Variants in NCK1 observed in about 807,000 individuals in gnomAD.
The protein encoded by NCK1 is SH2/SH3 adapter protein NCK1.
NCK1 carries 19 observed loss-of-function variants against 36.6 expected under a neutral mutation model. The ratio of observed to expected loss-of-function variants is 0.52; its 90% CI spans 0.36 to 0.76. The LOEUF is 0.76. Among genes scored for constraint, NCK1 ranks in the 30% least tolerant of loss-of-function variants. The pLI, the probability that NCK1 is intolerant of heterozygous loss-of-function variation, is 0.00. For missense variants in NCK1, 358 were observed against 445.6 expected, an observed-to-expected ratio of 0.80 and a Z score of 1.77; for synonymous variants, 165 against 156.0, an observed-to-expected ratio of 1.06 and a Z score of -0.43.
chr3:136,881,980 A>G (rs923303771), intron 1 of NCK1, among the ~76,000 whole-genome samples: 3 of 152,330 alleles, frequency 2.0e-5, no homozygotes, highest in African/African-American at 4.8e-5. Context: ...TAGTGTTTCC[A>G]TGAACATGGG....
intron 2 of NCK1, among the ~76,000 whole-genome samples, chr3:136,936,288 G>A (rs1226268233): frequency 1.3e-5 from 2 of 152,026 alleles, no homozygotes; most frequent in Non-Finnish European, 2.9e-5. Context: ...TCATCTGCCC[G>A]CCTCGGCCTC....
intron 1 of NCK1, among the ~76,000 whole-genome samples, chr3:136,909,800 A>G (rs959878439): frequency 2.0e-5 from 3 of 152,132 alleles, no homozygotes; most frequent in African/African-American, 7.2e-5. Flanking sequence ...TCTTCTTGCT[A>G]TATTAAACTT....
intron 2 of NCK1, 151 bp from the exon 3 acceptor site, chr3:136,945,432 G>C: frequency 1.9e-6 from 1 of 529,614 alleles, no homozygotes; most frequent in Non-Finnish European, 3.1e-6. Flanking sequence ...TTTCCAAAAA[G>C]ATGATTTTTA....
intron 1 of NCK1, chr3:136,899,895 A>G: frequency 9.6e-7 from 1 of 1,044,572 alleles, no homozygotes; most frequent in Non-Finnish European, 1.5e-6. Context: ...TTTCTCTTCT[A>G]GTGGGATTTC....
At chr3:136,867,010 G>T (rs1239906797) in intron 1 of NCK1, among the ~76,000 whole-genome samples, 1 of 151,818 alleles carries the variant, frequency 6.6e-6, no homozygotes, top group Non-Finnish European at 1.5e-5. Flanking sequence ...CTTTGGTGCA[G>T]TCTTCCAAAT....
intron 2 of NCK1, among the ~76,000 whole-genome samples, chr3:136,938,521 A>G (rs6439676): frequency 1 from 152,142 of 152,308 alleles, 75,988 homozygotes; most frequent in Middle Eastern, 1. Context: ...TCTATTTAGT[A>G]CCACATTTTT....
At chr3:136,904,945 C>A (rs1212332472) in intron 1 of NCK1, among the ~76,000 whole-genome samples, 7 of 150,616 alleles carry the variant, frequency 4.6e-5, no homozygotes, top group African/African-American at 1.7e-4. Context: ...TTGACACTTT[C>A]CAACGTAGTT....
chr3:136,900,596 A>G (rs1939516322), intron 1 of NCK1, among the ~76,000 whole-genome samples: 1 of 151,892 alleles, frequency 6.6e-6, no homozygotes, highest in Non-Finnish European at 1.5e-5. Context: ...TCTTTATTTT[A>G]TCTAGTGTTT....
chr3:136,915,362 A>T (rs1213617455), intron 1 of NCK1, among the ~76,000 whole-genome samples: 2 of 152,214 alleles, frequency 1.3e-5, no homozygotes, highest in African/African-American at 2.4e-5. Flanking sequence ...CTTGAATTAT[A>T]GGTCACAGAA....
chr3:136,898,380 C>T (rs1169751448), intron 1 of NCK1, among the ~76,000 whole-genome samples: 3 of 141,612 alleles, frequency 2.1e-5, no homozygotes, highest in South Asian at 2.4e-4. Flanking sequence ...GGCAAGACTC[C>T]CTCTCAAAAA....
Position 136,945,742 on chromosome 3 carries a change from A to G in NCK1, c.386A>G (p.Lys129Arg). Residue 129 changes from lysine to arginine, a missense_variant, in exon 3 of 4, where the codon AAG becomes AGG. Coordinates refer to ENST00000481752, the MANE Select transcript of NCK1 (RefSeq NM_001291999.2). ...AEREDELSLIKGTKVIVMEKC... is the reference protein window; with the variant it reads ...AEREDELSLIRGTKVIVMEKC... ...AGAGAGGATGAATTATCATTGATAA[A>G]GGGGACAAAGGTGATCGTCATGGAG... 6.2e-7 allele frequency: 1 copy of G among 1,614,186 alleles called. No individual in the cohort carries two copies. Among genetic ancestry groups the G allele is most frequent in the South Asian group, 1.1e-5 (1 of 91,084 alleles).
At chr3:136,889,135 TCCCATCTCTG>T in intron 1 of NCK1, 1 of 136,418 alleles carries the variant, frequency 7.3e-6, no homozygotes, top group Non-Finnish European at 1.5e-5. Context: ...CAAGTGATCT[TCCCATCTCTG>T]CCTCCCAAAG....
At position 136,950,569 on chromosome 3, in the gene NCK1, A is replaced by C. The variant is rs1007021330; in HGVS notation, c.*2116A>C. On this transcript the variant is annotated 3_prime_UTR_variant, in exon 4 of 4. Transcript: ENST00000481752. ...TTTAAAAAGTCTTAATCCAATGCTT[A>C]TACCAGTGACTGTTTTTATAATACT... is the stretch of plus-strand genomic sequence containing the variant. 3.3e-5 allele frequency among the ~76,000 whole-genome samples: 5 copies of C among 152,212 alleles called. No homozygotes were observed. Among genetic ancestry groups the C allele is most frequent in the African/African-American group, 1.2e-4 (5 of 41,466 alleles).
intron 1 of NCK1, among the ~76,000 whole-genome samples, chr3:136,885,622 C>T (rs577443039): frequency 6.6e-6 from 1 of 152,216 alleles, no homozygotes; most frequent in Admixed American, 6.5e-5. Context: ...ACCTTTGAAG[C>T]CTTAGTTTCT....
intron 1 of NCK1, among the ~76,000 whole-genome samples, chr3:136,874,208 C>T (rs538729006): frequency 6.6e-6 from 1 of 152,262 alleles, no homozygotes; most frequent in African/African-American, 2.4e-5. Flanking sequence ...TAGAGTCTTG[C>T]TCTGTCACCC....
intron 1 of NCK1, chr3:136,867,405 A>ATTTTTTTTTTTTTT (rs34322362): frequency 9.8e-6 from 1 of 101,590 alleles, no homozygotes; most frequent in Non-Finnish European, 1.8e-5. Flanking sequence ...TGTCTGGCTA[A>ATTTTTTTTTTTTTT]TTTTTTTTTT....
At chr3:136,910,482 T>C (rs2343661) in intron 1 of NCK1, among the ~76,000 whole-genome samples, 152,279 of 152,318 alleles carry the variant, frequency 1, 76,120 homozygotes, top group Middle Eastern at 1. Context: ...AATTACAAAC[T>C]GAATAAACCT....
intron 1 of NCK1, among the ~76,000 whole-genome samples, chr3:136,911,821 A>C (rs186042541): frequency 7.9e-5 from 12 of 150,980 alleles, no homozygotes; most frequent in Non-Finnish European, 1.6e-4. Flanking sequence ...TTTTTCCCTC[A>C]CTTTTGAAGG....
rs1486155899 is a variant in NCK1 at position 136,909,321 on chromosome 3, C to T, written c.-18-18663C>T. Among the ~76,000 whole-genome samples the T allele has an allele frequency of 2.6e-5, 4 of 152,002 alleles. No homozygotes were observed. In the East Asian group the frequency reaches 7.7e-4, roughly 29 times the overall value. On this transcript the variant is annotated intron_variant, in intron 1 of 3. Coordinates refer to ENST00000481752, the MANE Select transcript of NCK1 (RefSeq NM_001291999.2). ...GGTCTTAAAAATACGTAGAAGTTTG[C>T]TGAGAGGGGAAGGGCATGCTAGACT...
Sources: gnomAD v4.1 joint callset for allele counts (sites outside exome capture counted in the v4.1 genomes callset) on GRCh38, gnomAD v4.1.1 for gene constraint, MANE v1.5 for transcripts, NCBI Gene and HGNC (gene_info 2026-07-23, HGNC 2026-07-21) for gene names.